IL20RA: variants seen among roughly 807,000 people sequenced by gnomAD.
IL20RA encodes interleukin-20 receptor subunit alpha.
Under a neutral mutation model 36.5 loss-of-function variants are expected in IL20RA, and 29 were observed. That is an observed-to-expected ratio of 0.79 (90% CI 0.59 to 1.08). IL20RA has a LOEUF of 1.08. Ranked by LOEUF, IL20RA falls within the 50% of genes least tolerant of loss-of-function variation. IL20RA has a pLI of 0.00. For synonymous variants in IL20RA, 279 were observed against 267.1 expected, an observed-to-expected ratio of 1.04 and a Z score of -0.43; for missense variants, 652 against 668.4, an observed-to-expected ratio of 0.98 and a Z score of 0.27.
intron 2 of IL20RA, among the ~76,000 whole-genome samples, chr6:137,014,626 T>C (rs1360463038): frequency 6.6e-6 from 1 of 152,202 alleles, no homozygotes; most frequent in East Asian, 1.9e-4. Flanking sequence ...AGGTTAATTA[T>C]TAAAATAATA....
Position 137,017,118 on chromosome 6 carries a change from G to T in IL20RA, c.89-15C>A. On this transcript the variant is annotated splice_polypyrimidine_tract_variant and intron_variant, in intron 1 of 6. Coordinates refer to ENST00000316649, the MANE Select transcript of IL20RA (RefSeq NM_014432.4). Reference sequence around the variant, plus strand: ...GACACAGGGAACTGAAAAAGGAGCAGAAAGGAATTGAGGTCTTAGTAGCAG... The same window carrying T: ...GACACAGGGAACTGAAAAAGGAGCATAAAGGAATTGAGGTCTTAGTAGCAG... The T allele has an allele frequency of 6.2e-7, 1 of 1,610,918 alleles. No individual in the cohort carries two copies. The highest frequency in any genetic ancestry group is 8.5e-7 in the Non-Finnish European group (1 of 1,178,336).
intron 1 of IL20RA, 125 bp from the exon 2 acceptor site, chr6:137,017,228 T>C: frequency 1.5e-6 from 1 of 676,056 alleles, no homozygotes; most frequent in Non-Finnish European, 2.5e-6. Context: ...CTATGTAACA[T>C]CTCTGAAATG....
chr6:137,004,145 G>A (rs150002131), intron 6 of IL20RA, among the ~76,000 whole-genome samples: 68 of 145,358 alleles, frequency 4.7e-4, no homozygotes, highest in African/African-American at 1.4e-3. Context: ...CTGTTAGTCA[G>A]CTAATCCAGA....
At chr6:137,018,507 C>CGT (rs1167012234) in intron 1 of IL20RA, among the ~76,000 whole-genome samples, 4 of 89,134 alleles carry the variant, frequency 4.5e-5, no homozygotes, top group South Asian at 4.4e-4. Context: ...TGACCACTGC[C>CGT]GTGTGCGTGT....
chr6:137,042,839 T>C (rs1370826720), intron 1 of IL20RA: 1 of 152,178 alleles, frequency 6.6e-6, no homozygotes, highest in Non-Finnish European at 1.5e-5. Context: ...CAGAAGACAT[T>C]GTAGATAATC....
intron 1 of IL20RA, among the ~76,000 whole-genome samples, chr6:137,037,357 A>C (rs1398763300): frequency 6.6e-6 from 1 of 152,236 alleles, no homozygotes; most frequent in East Asian, 1.9e-4. Flanking sequence ...TTGTCCTTTC[A>C]GCAAAGAGTA....
In IL20RA at chr6:137,001,551, G is replaced by A. The variant is rs765481430; in HGVS notation, c.*7C>T. On this transcript the variant is annotated 3_prime_UTR_variant, in exon 7 of 7. Transcript: ENST00000316649. Reference sequence around the variant, plus strand: ...CAGGAAACAAAAGGCAAAAGGAAGTGTTGGCATCAGTTTTCCATCTGCACA... The same window carrying A: ...CAGGAAACAAAAGGCAAAAGGAAGTATTGGCATCAGTTTTCCATCTGCACA... 1.3e-6 allele frequency: 2 copies of A among 1,526,800 alleles called. No homozygotes were observed. Among genetic ancestry groups the A allele is most frequent in the Middle Eastern group, 1.8e-4 (1 of 5,672 alleles). 94.6% of individuals were successfully genotyped at this position (1,526,800 alleles called of 1,614,324 possible). A position where few individuals can be genotyped will look rare whatever the true frequency, so the allele number is the denominator to read the frequency against.
At chr6:137,008,538 T>C (rs1439282440) in intron 5 of IL20RA, 61 bp downstream of exon 5, 2 of 1,488,766 alleles carry the variant, frequency 1.3e-6, no homozygotes, top group Non-Finnish European at 1.8e-6. Context: ...TAAACCATCA[T>C]ACCGACTTCT....
At chr6:137,017,315 T>C (rs747722582) in intron 1 of IL20RA, among the ~76,000 whole-genome samples, 3 of 152,140 alleles carry the variant, frequency 2.0e-5, no homozygotes, top group Non-Finnish European at 4.4e-5. Flanking sequence ...CGAGTTGCTA[T>C]GTAAAATAAC....
At chr6:137,036,188 A>T (rs1776484615) in intron 1 of IL20RA, among the ~76,000 whole-genome samples, 3 of 152,200 alleles carry the variant, frequency 2.0e-5, no homozygotes, top group African/African-American at 7.2e-5. Flanking sequence ...CCTTCATTGG[A>T]CACAGACTCC....
At chr6:137,041,498 AAAG>A (rs1043603591) in intron 1 of IL20RA, among the ~76,000 whole-genome samples, 42 of 152,358 alleles carry the variant, frequency 2.8e-4, no homozygotes, top group Middle Eastern at 6.8e-3. Context: ...AAAGTTAAAA[AAAG>A]AAAATAATTC....
chr6:137,005,536 C>T (rs1304596169), intron 5 of IL20RA, among the ~76,000 whole-genome samples: 1 of 152,176 alleles, frequency 6.6e-6, no homozygotes, highest in Admixed American at 6.5e-5. Flanking sequence ...CTTGTTAAGC[C>T]ACTGTGGTAT....
At chr6:137,033,296 C>A (rs960603386) in intron 1 of IL20RA, among the ~76,000 whole-genome samples, 6 of 152,216 alleles carry the variant, frequency 3.9e-5, no homozygotes, top group Admixed American at 6.5e-5. Flanking sequence ...CTTACAAGGA[C>A]ACCAGTCCAC....
At chr6:137,019,421 G>A (rs369452343) in intron 1 of IL20RA, among the ~76,000 whole-genome samples, 5 of 152,050 alleles carry the variant, frequency 3.3e-5, no homozygotes, top group African/African-American at 7.2e-5. Context: ...GAGCCACCGC[G>A]CCCAGCCCTA....
intron 3 of IL20RA, among the ~76,000 whole-genome samples, chr6:137,010,335 G>T (rs1775441864): frequency 6.6e-6 from 1 of 152,240 alleles, no homozygotes; most frequent in Non-Finnish European, 1.5e-5. Context: ...AAACAAATGA[G>T]TGTGGCTTGT....
intron 1 of IL20RA, among the ~76,000 whole-genome samples, chr6:137,027,586 C>T (rs1776139129): frequency 1.3e-5 from 2 of 152,198 alleles, no homozygotes; most frequent in Non-Finnish European, 1.5e-5. Context: ...CCTCAATTTC[C>T]CCATTTGGAA....
intron 1 of IL20RA, 150 bp downstream of exon 1, chr6:137,044,491 G>A (rs947329770): frequency 4.5e-6 from 4 of 879,148 alleles, no homozygotes; most frequent in East Asian, 7.3e-5. Context: ...GGGGCTGGAA[G>A]CTCCGGCCTC....
chr6:137,006,957 CAA>C, intron 5 of IL20RA, among the ~76,000 whole-genome samples: 1 of 152,122 alleles, frequency 6.6e-6, no homozygotes, highest in Non-Finnish European at 1.5e-5. Flanking sequence ...CTCCTGGGCT[CAA>C]GTGATTCTCC....
At chr6:137,021,435 C>G (rs372564950) in intron 1 of IL20RA, among the ~76,000 whole-genome samples, 137 of 150,224 alleles carry the variant, frequency 9.1e-4, no homozygotes, top group African/African-American at 3.2e-3. Flanking sequence ...GAGGCCAAGG[C>G]AGGTAGATCA....
Sources: gnomAD v4.1 joint callset for allele counts (sites outside exome capture counted in the v4.1 genomes callset) on GRCh38, gnomAD v4.1.1 for gene constraint, MANE v1.5 for transcripts, NCBI Gene and HGNC (gene_info 2026-07-23, HGNC 2026-07-21) for gene names.